Variants in RNF215 observed in about 807,000 individuals in gnomAD.
RNF215 encodes the protein ring finger protein 215.
RNF215 carries 41 observed loss-of-function variants against 44.8 expected under a neutral mutation model. That is an observed-to-expected ratio of 0.92 (90% CI 0.71 to 1.19). RNF215 has a LOEUF of 1.19. RNF215 is among the 50% of genes most tolerant of loss of function. The pLI is 0.00. For missense variants in RNF215, 452 were observed against 496.2 expected, an observed-to-expected ratio of 0.91 and a Z score of 0.85; for synonymous variants, 218 against 230.1, an observed-to-expected ratio of 0.95 and a Z score of 0.48.
Position 30,379,591 on chromosome 22 carries a change from G to A in RNF215, c.*9C>T. The A allele has an allele frequency of 6.5e-7, 1 of 1,550,338 alleles. No homozygotes were observed. The highest frequency in any genetic ancestry group is 8.7e-7 in the Non-Finnish European group (1 of 1,147,002). On this transcript the variant is annotated 3_prime_UTR_variant, in exon 9 of 9. Transcript: ENST00000382363. ...GGTCCATCCCCATGTGCAGAGTCCA[G>A]CTGGGCAGCTAATCATCGGAGTAGC...
At chr22:30,381,141 T>C (rs982717912) in intron 5 of RNF215, among the ~76,000 whole-genome samples, 1 of 152,316 alleles carries the variant, frequency 6.6e-6, no homozygotes, top group East Asian at 1.9e-4. Flanking sequence ...AGAAGCTCCC[T>C]GACCTCTTAT....
At position 30,380,740 on chromosome 22, in the gene RNF215, A is replaced by T. The variant is rs1933519092; in HGVS notation, c.745-339T>A. Among the ~76,000 whole-genome samples, 1 of 151,982 alleles carries T rather than the reference A, an allele frequency of 6.6e-6. No individual in the cohort carries two copies. Among genetic ancestry groups the T allele is most frequent in the African/African-American group, 2.4e-5 (1 of 41,358 alleles). Reference sequence around the variant, plus strand: ...TCCCCAACCCAGCACCCAGCAACCCAGCACCCAGCCTGGGACCTGCTCACT... The same window carrying T: ...TCCCCAACCCAGCACCCAGCAACCCTGCACCCAGCCTGGGACCTGCTCACT... On this transcript the variant is annotated intron_variant, in intron 5 of 8. Transcript: ENST00000382363. The surrounding 1 kb of genome is among the most constrained non-coding windows in gnomAD (Gnocchi z 5.3).
intron 2 of RNF215, among the ~76,000 whole-genome samples, 169 bp downstream of exon 2, chr22:30,386,447 C>T (rs976083829): frequency 6.6e-6 from 1 of 152,196 alleles, no homozygotes; most frequent in African/African-American, 2.4e-5. Flanking sequence ...CCTCTCACCT[C>T]CCTGCTTCGA....
chr22:30,380,340 A>AG lies in RNF215; in HGVS notation c.805dup (p.Leu269ProfsTer25). The AG allele has an allele frequency of 6.2e-7, 1 of 1,611,650 alleles. No individual in the cohort carries two copies. Among genetic ancestry groups the AG allele is most frequent in the South Asian group, 1.1e-5 (1 of 90,968 alleles). ...CGCCTGCCGCTGGGCCTGGACCACG[A>AG]GGCCTGTGCACAGGAGCATGGCCAC... On this transcript the variant is annotated frameshift_variant, in exon 6 of 9. Transcript: ENST00000382363. LOFTEE classifies it high-confidence loss of function. This position sits in a 1 kb window ranked among gnomAD's most constrained non-coding sequence, Gnocchi z 5.3.
intron 5 of RNF215, among the ~76,000 whole-genome samples, chr22:30,384,032 G>C (rs1295817519): frequency 6.6e-6 from 1 of 152,206 alleles, no homozygotes; most frequent in Admixed American, 6.5e-5. Context: ...GAGTGAGTGA[G>C]TGATGCAGAG....
rs1933503351 is a variant in RNF215 at position 30,380,071 on chromosome 22, G to T, written c.999C>A (p.Cys333Ter). Residue 333 changes from cysteine to a stop codon, truncating the protein, a stop_gained, in exon 7 of 9, where the codon TGC (cysteine) becomes TGA (stop). Transcript: ENST00000382363. LOFTEE classifies it high-confidence loss of function. This position sits in a 1 kb window ranked among gnomAD's most constrained non-coding sequence, Gnocchi z 5.3. The stretch of plus-strand genomic sequence containing the variant: ...TACCCGGGGCACTAGCCTGTTTGTT[G>T]CAGAAGTAGTCCAGGCACACCGCAC... ...ETCAVCLDYF[C>*]NKQWLRVLPC... 6.2e-7 allele frequency: 1 copy of T among 1,613,822 alleles called. No homozygotes were observed. The highest frequency in any genetic ancestry group is 8.5e-7 in the Non-Finnish European group (1 of 1,179,944).
intron 5 of RNF215, among the ~76,000 whole-genome samples, chr22:30,383,661 C>A (rs961609947): frequency 6.6e-6 from 1 of 152,140 alleles, no homozygotes; most frequent in Non-Finnish European, 1.5e-5. Context: ...TGCCCTGATG[C>A]CAAGCGCTGG....
rs2145981986 is a variant in RNF215 at position 30,380,115 on chromosome 22, C to T, written c.955G>A (p.Asp319Asn). 3 of 1,613,944 alleles carry T rather than the reference C, an allele frequency of 1.9e-6. No individual in the cohort carries two copies. Among genetic ancestry groups the T allele is most frequent in the Non-Finnish European group, 2.5e-6 (3 of 1,179,990 alleles). Residue 319 changes from aspartate to asparagine, a missense_variant, in exon 7 of 9, where the codon GAT becomes AAT. Transcript: ENST00000382363. This position sits in a 1 kb window ranked among gnomAD's most constrained non-coding sequence, Gnocchi z 5.3. The part of the protein sequence containing the change: ...RLSRAAQGLP[D>N]PGAETCAVCL... ...ACCGCACAGGTCTCAGCACCCGGAT[C>T]TGGGAGGCCCTGCGCTGCCCTGCTC...
chr22:30,381,656 T>A (rs1933531200), intron 5 of RNF215, among the ~76,000 whole-genome samples: 1 of 152,228 alleles, frequency 6.6e-6, no homozygotes, highest in South Asian at 2.1e-4. Context: ...CTGAAGCTCA[T>A]CTACCGTCAT....
At position 30,380,296 on chromosome 22, in the gene RNF215, C is replaced by T; in HGVS notation, c.850G>A (p.Glu284Lys). Residue 284 changes from glutamate to lysine, a missense_variant, in exon 6 of 9, where the codon GAG (glutamate) becomes AAG (lysine). Glu to Lys is a moderately conservative substitution (Grantham distance 56). Coordinates refer to ENST00000382363, the MANE Select transcript of RNF215 (RefSeq NM_001017981.2). This position sits in a 1 kb window ranked among gnomAD's most constrained non-coding sequence, Gnocchi z 5.3. The part of the protein sequence containing the change: ...QRQASRQSQR[E>K]LGGQVDLFKR... ...CTGGCTCCCACCTGGCCTCCGAGCTCCCGCTGGCTCTGCCGCGACGCCTGC... is the reference window on the plus strand; with the variant it reads ...CTGGCTCCCACCTGGCCTCCGAGCTTCCGCTGGCTCTGCCGCGACGCCTGC... The T allele has an allele frequency of 6.2e-7, 1 of 1,610,886 alleles. No individual in the cohort carries two copies. The highest frequency in any genetic ancestry group is 1.1e-5 in the South Asian group (1 of 90,910).
intron 5 of RNF215, among the ~76,000 whole-genome samples, chr22:30,384,114 C>T (rs1933562972): frequency 1.3e-5 from 2 of 152,180 alleles, no homozygotes; most frequent in Admixed American, 1.3e-4. Flanking sequence ...GCCTGCAGAA[C>T]ATGAGGACGG....
chr22:30,385,335 T>A (rs565665164), intron 4 of RNF215, among the ~76,000 whole-genome samples: 33 of 145,430 alleles, frequency 2.3e-4, no homozygotes, highest in African/African-American at 7.5e-4. Context: ...GGTGGGAGAA[T>A]GGCATGAACC....
In RNF215 at chr22:30,387,357, C is replaced by T; in HGVS notation, c.-44G>A. On this transcript the variant is annotated 5_prime_UTR_variant, in exon 1 of 9. Coordinates refer to ENST00000382363, the MANE Select transcript of RNF215 (RefSeq NM_001017981.2). ...GGCCCAACAGTGGGGCCAGGGGTCC[C>T]GGGCGCGGGGGGGATCGGAGGGAGC... 1.9e-6 allele frequency: 2 copies of T among 1,028,912 alleles called. No individual in the cohort carries two copies. The highest frequency in any genetic ancestry group is 1.8e-5 in the African/African-American group (1 of 57,098). 63.7% of individuals were successfully genotyped at this position (1,028,912 alleles called of 1,614,324 possible). A position where few individuals can be genotyped will look rare whatever the true frequency, so the allele number is the denominator to read the frequency against.
At position 30,379,548 on chromosome 22, in the gene RNF215, C is replaced by T. The variant is rs556092301; in HGVS notation, c.*52G>A. 68 of 1,544,138 alleles carry T rather than the reference C, an allele frequency of 4.4e-5. No individual in the cohort carries two copies. Among genetic ancestry groups the T allele is most frequent in the South Asian group, 3.2e-4 (27 of 83,858 alleles). The stretch of plus-strand genomic sequence containing the variant: ...TGTCCTGGGAGCCCAGGCTGAGGAC[C>T]GGGGTGCAGGCAGGAAGGGTCCATC... On this transcript the variant is annotated 3_prime_UTR_variant, in exon 9 of 9. Transcript: ENST00000382363.
intron 2 of RNF215, among the ~76,000 whole-genome samples, chr22:30,386,353 C>A (rs191214007): frequency 6.6e-6 from 1 of 152,316 alleles, no homozygotes; most frequent in East Asian, 1.9e-4. Flanking sequence ...CCTATCAGGG[C>A]AGTCCCAGCA....
chr22:30,386,927 C>T (rs1933608881), intron 1 of RNF215, 102 bp downstream of exon 1: 1 of 1,491,080 alleles, frequency 6.7e-7, no homozygotes, highest in African/African-American at 1.4e-5. Context: ...GCTGGACTCT[C>T]AAGGCTTGGT....
At chr22:30,383,298 GC>G (rs1277410722) in intron 5 of RNF215, among the ~76,000 whole-genome samples, 1 of 152,104 alleles carries the variant, frequency 6.6e-6, no homozygotes, top group Admixed American at 6.5e-5. Flanking sequence ...GCTCAGGTCT[GC>G]CCTCTTGAGC....
rs1467042219 is a variant in RNF215, at chr22:30,384,487, T to G, written c.596A>C (p.Gln199Pro). The G allele has an allele frequency of 1.2e-6, 2 of 1,613,258 alleles. No homozygotes were observed. Among genetic ancestry groups the G allele is most frequent in the Non-Finnish European group, 1.7e-6 (2 of 1,179,608 alleles). Residue 199 changes from glutamine (Q) to proline (P), a missense_variant, in exon 5 of 9, where the codon CAG (glutamine) becomes CCG (proline). By Grantham distance (76) the Gln-to-Pro change is moderately conservative. Transcript: ENST00000382363. ...TCCGCTGGTGATCTCAGCCGTGGCC[T>G]GGGTCCTCCTGGGAGGGGAAGTCAC... ...KLLDALLQRT[Q>P]ATAEITSGES...
rs770328641 is a variant in RNF215, at chr22:30,387,231, GGCAGCA to G, written c.77_82del (p.Leu26_Leu27del). On this transcript the variant is annotated inframe_deletion, in exon 1 of 9. Coordinates refer to ENST00000382363, the MANE Select transcript of RNF215 (RefSeq NM_001017981.2). The stretch of plus-strand genomic sequence containing the variant: ...CAGGCCCAGCCACAGCGGCAGCAGG[GGCAGCA>G]GCAGCAGCAGCGGAGACGGAGGCGG... The G allele has an allele frequency of 7.0e-6, 7 of 1,000,958 alleles. No homozygotes were observed. Among genetic ancestry groups the G allele is most frequent in the South Asian group, 4.5e-5 (1 of 22,142 alleles). The allele number at this position is 1,000,958 out of a possible 1,614,324, so 62.0% of individuals were successfully genotyped here. A position where few individuals can be genotyped will look rare whatever the true frequency, so the allele number is the denominator to read the frequency against.
Sources: allele counts gnomAD v4.1 joint callset (sites outside exome capture counted in the v4.1 genomes callset), GRCh38; gene constraint gnomAD v4.1.1; non-coding constraint Gnocchi (gnomAD v3.1); transcripts MANE v1.5; gene names NCBI Gene and HGNC (gene_info 2026-07-23, HGNC 2026-07-21).